Variants in ACSM2B observed in about 807,000 individuals in gnomAD.
ACSM2B encodes the protein acyl-CoA synthetase medium chain family member 2B.
Under a neutral mutation model 78.6 loss-of-function variants are expected in ACSM2B, and 58 were observed. That is an observed-to-expected ratio of 0.74 (90% CI 0.60 to 0.92). ACSM2B has a LOEUF of 0.92. ACSM2B is among the 40% of genes least tolerant of loss of function. The pLI is 0.00. For missense variants in ACSM2B, 688 were observed against 711.2 expected, an observed-to-expected ratio of 0.97 and a Z score of 0.37; for synonymous variants, 257 against 256.8, an observed-to-expected ratio of 1.00 and a Z score of -0.01.
intron 1 of ACSM2B, among the ~76,000 whole-genome samples, chr16:20,571,152 G>C (rs1156946401): frequency 6.6e-6 from 1 of 151,988 alleles, no homozygotes; most frequent in East Asian, 1.9e-4. Context: ...TCCTTGAGGT[G>C]TGGCCTTAGA....
At chr16:20,566,285 A>ATATATG (rs2015837264) in intron 1 of ACSM2B, among the ~76,000 whole-genome samples, 1 of 114,454 alleles carries the variant, frequency 8.7e-6, no homozygotes, top group Admixed American at 9.6e-5. Flanking sequence ...ATATATATAT[A>ATATATG]GACAGATATA....
At chr16:20,544,522 A>T in intron 10 of ACSM2B, 7 of 936,386 alleles carry the variant, frequency 7.5e-6, no homozygotes, top group Non-Finnish European at 8.9e-6. Flanking sequence ...AATGGTAGAA[A>T]CTATTATTAT....
At chr16:20,567,801 A>G (rs1311878887) in intron 1 of ACSM2B, among the ~76,000 whole-genome samples, 2 of 141,084 alleles carry the variant, frequency 1.4e-5, no homozygotes, top group African/African-American at 5.2e-5. Context: ...TATGATATAT[A>G]ATAGTATGGT....
chr16:20,559,998 A>G (rs1368222613), intron 2 of ACSM2B, among the ~76,000 whole-genome samples: 6 of 150,940 alleles, frequency 4.0e-5, no homozygotes, highest in Admixed American at 3.9e-4. Flanking sequence ...TACTTTTTTT[A>G]ATTTTGTGGT....
At chr16:20,540,815 T>G (rs781247790) in intron 12 of ACSM2B, 42 bp from the exon 13 acceptor site, 1 of 1,596,762 alleles carries the variant, frequency 6.3e-7, no homozygotes, top group Admixed American at 1.7e-5. Flanking sequence ...GATTAGAGTG[T>G]GTAGTCATCT....
At chr16:20,559,675 C>T (rs1031371838) in intron 2 of ACSM2B, among the ~76,000 whole-genome samples, 9 of 150,914 alleles carry the variant, frequency 6.0e-5, no homozygotes, top group African/African-American at 2.2e-4. Flanking sequence ...TAAATGTATG[C>T]TTTTAGAAAT....
chr16:20,543,964 C>G (rs2015069012), intron 10 of ACSM2B, among the ~76,000 whole-genome samples: 1 of 152,166 alleles, frequency 6.6e-6, no homozygotes, highest in East Asian at 1.9e-4. Flanking sequence ...AGCTAAACAG[C>G]CATTACAGAA....
chr16:20,556,027 A>G (rs1333747733), intron 3 of ACSM2B, among the ~76,000 whole-genome samples: 8 of 152,020 alleles, frequency 5.3e-5, no homozygotes, highest in Non-Finnish European at 1.5e-5. Flanking sequence ...ATAATTTTTG[A>G]AGACAATGTG....
At chr16:20,550,550 G>A (rs1326978407) in intron 6 of ACSM2B, among the ~76,000 whole-genome samples, 1 of 152,114 alleles carries the variant, frequency 6.6e-6, no homozygotes, top group Non-Finnish European at 1.5e-5. Flanking sequence ...AGGACACAGA[G>A]TAAGAATTTG....
At chr16:20,538,878 T>C (rs915676986) in intron 13 of ACSM2B, among the ~76,000 whole-genome samples, 1 of 152,136 alleles carries the variant, frequency 6.6e-6, no homozygotes, top group African/African-American at 2.4e-5. Flanking sequence ...TGCAAGTCCA[T>C]GTGGTGGACT....
At chr16:20,564,164 G>A (rs2015749655) in intron 2 of ACSM2B, among the ~76,000 whole-genome samples, 3 of 152,130 alleles carry the variant, frequency 2.0e-5, no homozygotes, top group Admixed American at 2.0e-4. Flanking sequence ...TGTGATCACA[G>A]TTCACTGCAG....
chr16:20,553,842 A>G lies in ACSM2B; in HGVS notation c.675T>C (p.Ser225=), dbSNP rs2015388772. The change falls in exon 5 of 14, where the codon AGT becomes AGC. Residue 225 remains serine, a synonymous_variant. Transcript: ENST00000329697. Reference sequence around the variant, plus strand: ...AATGTTCTGCCATCTTGGGAAGACCACTGGTCCCACTAGTGAAGTAGATGG... The same window carrying G: ...AATGTTCTGCCATCTTGGGAAGACCGCTGGTCCCACTAGTGAAGTAGATGG... ...ASAIYFTSGT[S]GLPKMAEHSY... 6.2e-7 allele frequency: 1 copy of G among 1,613,758 alleles called. No homozygotes were observed.
intron 1 of ACSM2B, chr16:20,575,525 G>T (rs1484497683): frequency 6.6e-6 from 1 of 151,980 alleles, no homozygotes; most frequent in Non-Finnish European, 1.5e-5. Context: ...TCAAGGGCAG[G>T]AAGCATCCAG....
chr16:20,556,088 ATT>A (rs11288638), intron 3 of ACSM2B, among the ~76,000 whole-genome samples: 2 of 150,700 alleles, frequency 1.3e-5, no homozygotes, highest in African/African-American at 4.9e-5. Flanking sequence ...AGTATTTAAC[ATT>A]TTTTTTGTGA....
At chr16:20,541,891 C>T (rs1331211406) in intron 12 of ACSM2B, 10 of 152,388 alleles carry the variant, frequency 6.6e-5, no homozygotes, top group African/African-American at 2.2e-4. Context: ...CCATCTTGGC[C>T]AGGCTGGTCT....
chr16:20,542,632 G>T (rs888067594), intron 12 of ACSM2B: 3 of 406,684 alleles, frequency 7.4e-6, no homozygotes, highest in Non-Finnish European at 1.3e-5. Flanking sequence ...GGGATTGCTG[G>T]ATCATATGGT....
At chr16:20,556,304 G>A (rs918458735) in intron 3 of ACSM2B, among the ~76,000 whole-genome samples, 1 of 152,124 alleles carries the variant, frequency 6.6e-6, no homozygotes, top group African/African-American at 2.4e-5. Context: ...ATCTTCTGTA[G>A]AATAACTAGA....
chr16:20,541,680 T>G (rs1224116786), intron 12 of ACSM2B: 1 of 99,132 alleles, frequency 1.0e-5, no homozygotes, highest in Non-Finnish European at 1.8e-5. Context: ...TCTTTTTCTT[T>G]CTTTTTTTTT....
intron 8 of ACSM2B, chr16:20,547,614 A>G: frequency 1.0e-6 from 1 of 1,003,568 alleles, no homozygotes; most frequent in Non-Finnish European, 1.2e-6. Context: ...CAGTAAAGCC[A>G]TGGTGGGTTC....
Sources: gnomAD v4.1 joint callset for allele counts (sites outside exome capture counted in the v4.1 genomes callset) on GRCh38, gnomAD v4.1.1 for gene constraint, MANE v1.5 for transcripts, NCBI Gene and HGNC (gene_info 2026-07-23, HGNC 2026-07-21) for gene names.